ZNF547: variants seen among roughly 807,000 people sequenced by gnomAD.
The protein encoded by ZNF547 is zinc finger protein 547.
A neutral mutation model predicts 7.7 loss-of-function variants in ZNF547; 4 were observed. The observed-to-expected ratio is 0.52, with a 90% CI of 0.26 to 1.20. The LOEUF is 1.20. Ranked by LOEUF, ZNF547 falls within the 50% of genes most tolerant of loss-of-function variation. The probability of loss-of-function intolerance (pLI) is 0.14; values close to 1 mark genes in which losing one functional copy is unlikely to be tolerated. For synonymous variants in ZNF547, 166 were observed against 166.2 expected (o/e 1.00, Z 0.01); for missense variants, 449 against 485.8 (o/e 0.92, Z 0.71).
At chr19:57,372,714 A>G (rs1268032879) in intron 3 of ZNF547, among the ~76,000 whole-genome samples, 1 of 152,058 alleles carries the variant, frequency 6.6e-6, no homozygotes, top group Non-Finnish European at 1.5e-5. Flanking sequence ...GCCGTTACCT[A>G]TTTTCTTCAA....
chr19:57,368,641 C>T (rs773680531), intron 2 of ZNF547, 62 bp downstream of exon 2: 13 of 1,549,270 alleles, frequency 8.4e-6, no homozygotes, highest in Non-Finnish European at 1.1e-5. Context: ...TTGGCACCTC[C>T]ATGTAAAGAA....
rs1389005605 is a variant in ZNF547, at chr19:57,378,168, A to G, written c.1192A>G (p.Lys398Glu). The G allele has an allele frequency of 2.5e-6, 4 of 1,608,536 alleles. No individual in the cohort carries two copies. The highest frequency in any genetic ancestry group is 1.7e-4 in the Middle Eastern group (1 of 6,036). The change falls in exon 4 of 4, where the codon AAA becomes GAA. Residue 398 changes from lysine (K) to glutamate (E), a missense_variant. Transcript: ENST00000282282. ...TAACTCTACACTTCTCAGACATCAG[A>G]AAGTCCACACTGGATAAGGCCCTTA... ...RYNSTLLRHQ[K>E]VHTG
At chr19:57,365,281 A>T in intron 1 of ZNF547, 1 of 1,433,938 alleles carries the variant, frequency 7.0e-7, no homozygotes, top group South Asian at 1.2e-5. Flanking sequence ...AAAATAAATT[A>T]TATCACCACA....
chr19:57,364,429 A>G (rs2123006661), intron 1 of ZNF547: 1 of 273,256 alleles, frequency 3.7e-6, no homozygotes, highest in Non-Finnish European at 7.2e-6. Context: ...ACAGAGGAGA[A>G]CTGGTGTAGA....
intron 3 of ZNF547, among the ~76,000 whole-genome samples, chr19:57,373,363 G>A (rs1263304642): frequency 6.6e-6 from 1 of 152,154 alleles, no homozygotes; most frequent in Non-Finnish European, 1.5e-5. Flanking sequence ...GACACGTGGG[G>A]ATTATGGGGA....
intron 1 of ZNF547, chr19:57,368,018 C>G (rs1484997695): frequency 6.5e-6 from 1 of 153,140 alleles, no homozygotes; most frequent in African/African-American, 2.4e-5. Context: ...AACCAGTGTC[C>G]TTCTAAATGT....
At chr19:57,367,001 G>A (rs1024507941) in intron 1 of ZNF547, among the ~76,000 whole-genome samples, 1 of 152,228 alleles carries the variant, frequency 6.6e-6, no homozygotes, top group African/African-American at 2.4e-5. Flanking sequence ...AAAATAGGAG[G>A]CTGGGAGCAG....
Position 57,378,288 on chromosome 19 carries a change from G to A in ZNF547, c.*103G>A, listed in dbSNP as rs930557639. On this transcript the variant is annotated 3_prime_UTR_variant, in exon 4 of 4. Coordinates refer to ENST00000282282, the MANE Select transcript of ZNF547 (RefSeq NM_173631.4). Reference sequence around the variant, plus strand: ...TGGAGAAAGACTGAATGCCGTGAACGTGGGTAATTATGTAGGTACAGCTCT... The same window carrying A: ...TGGAGAAAGACTGAATGCCGTGAACATGGGTAATTATGTAGGTACAGCTCT... 5.7e-5 allele frequency: 62 copies of A among 1,080,832 alleles called. No individual in the cohort carries two copies. Among genetic ancestry groups the A allele is most frequent in the Non-Finnish European group, 7.4e-5 (55 of 739,040 alleles). 67.0% of individuals were successfully genotyped at this position (1,080,832 alleles called of 1,614,324 possible).
chr19:57,370,448 C>G (rs564260574), intron 2 of ZNF547, among the ~76,000 whole-genome samples: 1 of 152,162 alleles, frequency 6.6e-6, no homozygotes, highest in Non-Finnish European at 1.5e-5. Context: ...CCGTGCACCA[C>G]CTGGTTTCTG....
chr19:57,372,033 A>G, intron 3 of ZNF547, 125 bp downstream of exon 3: 1 of 1,411,920 alleles, frequency 7.1e-7, no homozygotes, highest in South Asian at 1.7e-5. Flanking sequence ...TTCCTGACAT[A>G]TGTTCCATGA....
intron 3 of ZNF547, among the ~76,000 whole-genome samples, chr19:57,375,438 G>A (rs1002588813): frequency 6.6e-6 from 1 of 151,636 alleles, no homozygotes; most frequent in Non-Finnish European, 1.5e-5. Flanking sequence ...GGTCACTTGA[G>A]ATCAGGAGTT....
intron 2 of ZNF547, among the ~76,000 whole-genome samples, chr19:57,370,580 G>A (rs1218363731): frequency 1.3e-5 from 2 of 152,182 alleles, no homozygotes; most frequent in Non-Finnish European, 2.9e-5. Flanking sequence ...AAAGAGTGAT[G>A]TGCAGGCAGG....
At chr19:57,376,022 G>A (rs552624477) in intron 3 of ZNF547, among the ~76,000 whole-genome samples, 8 of 152,272 alleles carry the variant, frequency 5.3e-5, no homozygotes, top group African/African-American at 1.7e-4. Flanking sequence ...AATTAGCCAG[G>A]CGTGGTGGCA....
Position 57,369,698 on chromosome 19 carries a change from T to G in ZNF547, c.24+1119T>G, listed in dbSNP as rs1417138744. ...TGAGTGTATGTGAGATGGTGGGGTA[T>G]AGGAGTGAGAAAGACTTCTGAAGGA... On this transcript the variant is annotated intron_variant, in intron 2 of 3. Transcript: ENST00000282282. Among the ~76,000 whole-genome samples the G allele has an allele frequency of 5.3e-5, 8 of 151,660 alleles. No homozygotes were observed. The East Asian group carries it at 9.7e-4, about 18-fold the overall frequency.
intron 1 of ZNF547, chr19:57,364,671 G>A (rs892349025): frequency 1.6e-6 from 1 of 641,814 alleles, no homozygotes. Flanking sequence ...AACCCAGGAG[G>A]TGGAGATTGC....
chr19:57,378,955 AT>A lies in ZNF547; in HGVS notation c.*778del. On this transcript the variant is annotated 3_prime_UTR_variant, in exon 4 of 4. Transcript: ENST00000282282. ...GAAGAATCTTAGAGTGTTTTTCATT[AT>A]TTTTTTTCACTTAGGATAATATCCT... 14 of 178,970 alleles carry A rather than the reference AT, an allele frequency of 7.8e-5. No individual in the cohort carries two copies. The highest frequency in any genetic ancestry group is 1.0e-3 in the Middle Eastern group (1 of 982). The allele number at this position is 178,970 out of a possible 1,614,324, so 11.1% of individuals were successfully genotyped here.
chr19:57,369,110 C>T (rs1475418782), intron 2 of ZNF547, among the ~76,000 whole-genome samples: 4 of 151,958 alleles, frequency 2.6e-5, no homozygotes, highest in Non-Finnish European at 4.4e-5. Flanking sequence ...CTTTCTTTGG[C>T]GTCTGAGTGG....
chr19:57,370,850 C>T (rs1000614090), intron 2 of ZNF547: 5 of 152,164 alleles, frequency 3.3e-5, no homozygotes, highest in African/African-American at 1.2e-4. Flanking sequence ...GGTTTCTCTT[C>T]CACATTGGGA....
chr19:57,374,028 A>G (rs2123020141), intron 3 of ZNF547, among the ~76,000 whole-genome samples: 1 of 152,302 alleles, frequency 6.6e-6, no homozygotes, highest in South Asian at 2.1e-4. Context: ...CTCCGACCCC[A>G]CATTTCCCTT....
Sources: gnomAD v4.1 joint callset for allele counts (sites outside exome capture counted in the v4.1 genomes callset) on GRCh38, gnomAD v4.1.1 for gene constraint, MANE v1.5 for transcripts, NCBI Gene and HGNC (gene_info 2026-07-23, HGNC 2026-07-21) for gene names.